RANBP2: variants seen among roughly 807,000 people sequenced by gnomAD.
RANBP2 encodes E3 SUMO-protein ligase RanBP2.
Under a neutral mutation model 303.6 loss-of-function variants are expected in RANBP2, and 57 were observed. That is an observed-to-expected ratio of 0.19 (90% CI 0.15 to 0.23). RANBP2 has a LOEUF of 0.23. Ranked by LOEUF, RANBP2 falls within the 10% of genes least tolerant of loss-of-function variation. The pLI is 1.00. For synonymous variants in RANBP2, 1,167 were observed against 1,301.5 expected (o/e 0.90, Z 2.23); for missense variants, 3,138 against 3,780.8 (o/e 0.83, Z 4.46).
chr2:109,488,075 A>T, the RANBP2 span, among the ~76,000 whole-genome samples: 17 of 152,100 alleles, frequency 1.1e-4, 1 homozygote, highest in Middle Eastern at 6.3e-3. Context: ...GCCTGCCAGG[A>T]GGGGAGGAGC....
the RANBP2 span, among the ~76,000 whole-genome samples, chr2:109,420,621 A>G: frequency 6.6e-6 from 1 of 151,840 alleles, no homozygotes. Context: ...AAATTTTTGT[A>G]TTTTTAGTAG....
the RANBP2 span, among the ~76,000 whole-genome samples, chr2:109,729,506 G>A: frequency 3.3e-5 from 5 of 152,052 alleles, no homozygotes; most frequent in Non-Finnish European, 7.4e-5. Flanking sequence ...AATTAGCTGG[G>A]TGTGGTCACT....
chr2:108,854,034 T>C, the RANBP2 span, among the ~76,000 whole-genome samples: 4 of 108,270 alleles, frequency 3.7e-5, no homozygotes, highest in East Asian at 8.8e-4. Context: ...TTATATTATA[T>C]ATAATATATA....
At chr2:109,614,401 T>C in the RANBP2 span, 967 of 1,015,910 alleles carry the variant, frequency 9.5e-4, 8 homozygotes, top group African/African-American at 0.014. Flanking sequence ...CCCGCCAGAC[T>C]CCGCCGCCGT....
the RANBP2 span, among the ~76,000 whole-genome samples, chr2:109,055,589 T>G: frequency 6.6e-6 from 1 of 151,662 alleles, no homozygotes; most frequent in South Asian, 2.1e-4. Context: ...TTTCACCATA[T>G]TGGCCAGGCT....
chr2:108,824,223 T>C, the RANBP2 span, among the ~76,000 whole-genome samples: 1 of 152,208 alleles, frequency 6.6e-6, no homozygotes, highest in Admixed American at 6.5e-5. Flanking sequence ...TTTTACTTTA[T>C]AAACTTTTTA....
At chr2:108,788,768 G>C (rs1354742631), downstream of RANBP2, 1 of 1,518,614 alleles carries the variant, frequency 6.6e-7, no homozygotes, top group Non-Finnish European at 8.8e-7. Context: ...TTTAAAAATA[G>C]TATTATTTAG....
chr2:109,593,024 TG>T, the RANBP2 span: 2 of 1,475,208 alleles, frequency 1.4e-6, no homozygotes, highest in Non-Finnish European at 1.8e-6. Flanking sequence ...GAGTACAATA[TG>T]GTATCTATTT....
chr2:109,333,182 G>T, the RANBP2 span, among the ~76,000 whole-genome samples: 1 of 152,208 alleles, frequency 6.6e-6, no homozygotes, highest in African/African-American at 2.4e-5. Flanking sequence ...CCTGCACCTC[G>T]GAAAGGCATG....
the RANBP2 span, among the ~76,000 whole-genome samples, chr2:108,829,370 AG>A: frequency 6.6e-6 from 1 of 152,230 alleles, no homozygotes; most frequent in Non-Finnish European, 1.5e-5. Flanking sequence ...ATGGCCCCTA[AG>A]CTCATAAAAA....
the RANBP2 span, among the ~76,000 whole-genome samples, chr2:109,604,398 G>GAGGGGAGGGGAGGGGCGGGC: frequency 8.4e-6 from 1 of 119,228 alleles, no homozygotes; most frequent in Non-Finnish European, 1.8e-5. Flanking sequence ...GAGGGGCGGG[G>GAGGGGAGGGGAGGGGCGGGC]CGGGGAGAAA....
chr2:109,600,029 C>G, the RANBP2 span, among the ~76,000 whole-genome samples: 1 of 152,130 alleles, frequency 6.6e-6, no homozygotes, highest in Admixed American at 6.6e-5. Flanking sequence ...GCTTGCTGAC[C>G]GTCTCCACCT....
At chr2:109,419,906 G>A in the RANBP2 span, among the ~76,000 whole-genome samples, 1 of 152,244 alleles carries the variant, frequency 6.6e-6, no homozygotes, top group Non-Finnish European at 1.5e-5. Flanking sequence ...CCAGTCAACA[G>A]GAGAGGAGCC....
At chr2:109,313,151 G>A in the RANBP2 span, among the ~76,000 whole-genome samples, 1 of 152,182 alleles carries the variant, frequency 6.6e-6, no homozygotes, top group African/African-American at 2.4e-5. Context: ...CTTCATCTGT[G>A]TGCATGGGCT....
chr2:109,129,382 C>A, the RANBP2 span: 1 of 1,250,302 alleles, frequency 8.0e-7, no homozygotes, highest in Non-Finnish European at 1.1e-6. Flanking sequence ...CGGTGAGCCA[C>A]TTCGCACCGC....
At chr2:109,541,150 G>A in the RANBP2 span, among the ~76,000 whole-genome samples, 2 of 152,194 alleles carry the variant, frequency 1.3e-5, no homozygotes, top group Non-Finnish European at 2.9e-5. Context: ...TTACCCTAGA[G>A]ATGGCAAGAA....
the RANBP2 span, among the ~76,000 whole-genome samples, chr2:109,623,028 G>A: frequency 6.6e-6 from 1 of 152,276 alleles, no homozygotes; most frequent in East Asian, 1.9e-4. Flanking sequence ...TCGGGAGGCT[G>A]AGAAAGAAGA....
chr2:109,068,460 T>A, the RANBP2 span, among the ~76,000 whole-genome samples: 1 of 152,130 alleles, frequency 6.6e-6, no homozygotes, highest in African/African-American at 2.4e-5. Context: ...CACTGCAACA[T>A]CTCCAGCACC....
chr2:108,793,440 A>G, the RANBP2 span, among the ~76,000 whole-genome samples: 2 of 152,196 alleles, frequency 1.3e-5, no homozygotes, highest in Non-Finnish European at 2.9e-5. Context: ...AAGGATATCA[A>G]GCAAGAGGAA....
Sources: gnomAD v4.1 joint callset for allele counts (sites outside exome capture counted in the v4.1 genomes callset) on GRCh38, gnomAD v4.1.1 for gene constraint, MANE v1.5 for transcripts, NCBI Gene and HGNC (gene_info 2026-07-23, HGNC 2026-07-21) for gene names.